Variants in SLC12A8 observed in about 807,000 individuals in gnomAD.
The protein encoded by SLC12A8 is solute carrier family 12 member 8.
In SLC12A8, 69 loss-of-function variants were observed where a neutral mutation model predicts 75.6. That is an observed-to-expected ratio of 0.91 (90% CI 0.75 to 1.11). The LOEUF (loss-of-function observed/expected upper bound fraction) is 1.11. Ranked by LOEUF, SLC12A8 falls within the 50% of genes most tolerant of loss-of-function variation. The probability of loss-of-function intolerance (pLI) is 0.00; values close to 1 mark genes in which losing one functional copy is unlikely to be tolerated. For missense variants in SLC12A8, 877 were observed against 896.7 expected (o/e 0.98, Z 0.28); for synonymous variants, 365 against 372.8 (o/e 0.98, Z 0.24).
intron 6 of SLC12A8, among the ~76,000 whole-genome samples, chr3:125,135,347 T>C (rs573042374): frequency 4.0e-4 from 61 of 152,332 alleles, no homozygotes; most frequent in African/African-American, 1.4e-3. Context: ...ATGTATCCTT[T>C]CTATGAACAA....
intron 5 of SLC12A8, among the ~76,000 whole-genome samples, chr3:125,149,262 T>C (rs1933862326): frequency 6.6e-6 from 1 of 152,228 alleles, no homozygotes; most frequent in Non-Finnish European, 1.5e-5. Flanking sequence ...CCACGGCCTC[T>C]TCAGCCCATG....
At chr3:125,183,803 G>A (rs1335434646) in intron 4 of SLC12A8, among the ~76,000 whole-genome samples, 1 of 151,984 alleles carries the variant, frequency 6.6e-6, no homozygotes, top group African/African-American at 2.4e-5. Context: ...CAGGTAAGTG[G>A]AGCAGGGAGT....
chr3:125,103,428 G>T (rs1430359683), intron 10 of SLC12A8, among the ~76,000 whole-genome samples: 1 of 135,776 alleles, frequency 7.4e-6, no homozygotes, highest in East Asian at 2.2e-4. Context: ...AATGTACAAA[G>T]CTCTTCTAAA....
rs1430195451 is a variant in SLC12A8 at position 125,159,366 on chromosome 3, G to A, written c.622+18377C>T. ...CCCCCTTGGTCTCCCAAAGTGCTGGGATTAGAGGCAAGAGCCACCGCACCC... is the reference window on the plus strand; with the variant it reads ...CCCCCTTGGTCTCCCAAAGTGCTGGAATTAGAGGCAAGAGCCACCGCACCC... On this transcript the variant is annotated intron_variant, in intron 5 of 13. Transcript: ENST00000469902. Among the ~76,000 whole-genome samples the A allele has an allele frequency of 2.0e-5, 3 of 152,136 alleles. No homozygotes were observed. The East Asian group carries it at 5.8e-4, about 29-fold the overall frequency.
chr3:125,168,190 A>T (rs988879214), intron 5 of SLC12A8, among the ~76,000 whole-genome samples: 4 of 152,216 alleles, frequency 2.6e-5, no homozygotes, highest in African/African-American at 9.6e-5. Flanking sequence ...GTTGTAAAGG[A>T]TAAAAGAGCT....
chr3:125,084,386 C>CT lies in SLC12A8; in HGVS notation c.1983-335_1983-334insA, dbSNP rs1226673697. On this transcript the variant is annotated intron_variant, in intron 13 of 13. Coordinates refer to ENST00000469902, the MANE Select transcript of SLC12A8 (RefSeq NM_024628.6). ...GTTGGGGCTCTGTAGCTTTTCTTTG[C>CT]CTTTTTTTTTGTCAAAAATAATGGA... is the stretch of plus-strand genomic sequence containing the variant. Among the ~76,000 whole-genome samples, 112 of 150,822 alleles carry CT rather than the reference C, an allele frequency of 7.4e-4. 1 individual carries two copies. The South Asian group carries it at 0.01, about 14-fold the overall frequency.
intron 4 of SLC12A8, among the ~76,000 whole-genome samples, chr3:125,180,627 G>A (rs1934637464): frequency 6.6e-6 from 1 of 152,108 alleles, no homozygotes. Flanking sequence ...GGAGACAGAG[G>A]TTGCAGTGAG....
intron 10 of SLC12A8, among the ~76,000 whole-genome samples, chr3:125,101,684 G>T (rs150979448): frequency 4.7e-4 from 71 of 152,132 alleles, no homozygotes; most frequent in Non-Finnish European, 8.2e-4. Context: ...GTGTATATAA[G>T]GTATAAAATA....
chr3:125,143,262 G>A (rs1933691953), intron 5 of SLC12A8, among the ~76,000 whole-genome samples: 1 of 152,242 alleles, frequency 6.6e-6, no homozygotes, highest in South Asian at 2.1e-4. Context: ...AACTATTGGT[G>A]TTCAATAAAA....
Position 125,091,394 on chromosome 3 carries a change from T to C in SLC12A8, c.1921+45A>G, listed in dbSNP as rs1282795535. 5 of 1,254,028 alleles carry C rather than the reference T, an allele frequency of 4.0e-6. No homozygotes were observed. In the East Asian group the frequency reaches 9.3e-5, roughly 23 times the overall value. 77.7% of individuals were successfully genotyped at this position (1,254,028 alleles called of 1,614,324 possible). On this transcript the variant is annotated intron_variant, in intron 12 of 13. Transcript: ENST00000469902. The stretch of plus-strand genomic sequence containing the variant: ...AAATCTTTTTTTTCCCAATGAATGG[T>C]AGAGAGAATGAGGGAACCAGTGGCA...
At chr3:125,105,900 G>A (rs1244760055) in intron 10 of SLC12A8, among the ~76,000 whole-genome samples, 1 of 152,048 alleles carries the variant, frequency 6.6e-6, no homozygotes, top group Non-Finnish European at 1.5e-5. Flanking sequence ...TGTGGTGGTG[G>A]GTCCCTGTAA....
chr3:125,153,628 GTATT>G (rs145148541), intron 5 of SLC12A8, among the ~76,000 whole-genome samples: 1 of 148,896 alleles, frequency 6.7e-6, no homozygotes, highest in Non-Finnish European at 1.5e-5. Flanking sequence ...TGAAATTTAT[GTATT>G]TATTTATTTA....
chr3:125,199,817 AT>A (rs145929649), intron 2 of SLC12A8, among the ~76,000 whole-genome samples: 5,314 of 152,270 alleles, frequency 0.035, 205 homozygotes, highest in African/African-American at 0.096. Context: ...CCAGAAAAAA[AT>A]GGTATAAACC....
chr3:125,087,545 A>G (rs1201191164), intron 13 of SLC12A8, among the ~76,000 whole-genome samples: 1 of 152,180 alleles, frequency 6.6e-6, no homozygotes, highest in African/African-American at 2.4e-5. Flanking sequence ...GAGTCTCAAA[A>G]ACAAACCAAC....
chr3:125,133,349 ACACACACACACACG>A (rs1023285524), intron 6 of SLC12A8, among the ~76,000 whole-genome samples: 1 of 148,488 alleles, frequency 6.7e-6, no homozygotes, highest in East Asian at 2.0e-4. Flanking sequence ...AGGAATACAC[ACACACACACACACG>A]CACACACACA....
chr3:125,128,386 T>C (rs920942481), intron 6 of SLC12A8, among the ~76,000 whole-genome samples: 4 of 146,022 alleles, frequency 2.7e-5, no homozygotes, highest in African/African-American at 1.0e-4. Context: ...TTCACCGTTT[T>C]AGCCGGGATG....
At chr3:125,182,739 C>T (rs1934692710) in intron 4 of SLC12A8, among the ~76,000 whole-genome samples, 1 of 152,166 alleles carries the variant, frequency 6.6e-6, no homozygotes, top group South Asian at 2.1e-4. Flanking sequence ...AACTCCTGAC[C>T]TCATGATCCA....
rs529416815 is a variant in SLC12A8, at chr3:125,135,028, G to A, written c.736+641C>T. Among the ~76,000 whole-genome samples the A allele has an allele frequency of 7.9e-5, 12 of 152,340 alleles. No homozygotes were observed. The East Asian group carries it at 1.9e-3, about 24-fold the overall frequency. On this transcript the variant is annotated intron_variant, in intron 6 of 13. Coordinates refer to ENST00000469902, the MANE Select transcript of SLC12A8 (RefSeq NM_024628.6). ...GTTAGCTTATTGCCTTCCAGGCCAG[G>A]GACCCAAGCATGGGGCAGGAGCCCT...
At chr3:125,190,652 A>G in intron 2 of SLC12A8, 131 bp from the exon 3 acceptor site, 1 of 1,035,190 alleles carries the variant, frequency 9.7e-7, no homozygotes, top group Non-Finnish European at 1.5e-6. Flanking sequence ...TGCCAGGGCA[A>G]GTGTGTGTGT....
Sources: gnomAD v4.1 joint callset for allele counts (sites outside exome capture counted in the v4.1 genomes callset) on GRCh38, gnomAD v4.1.1 for gene constraint, MANE v1.5 for transcripts, NCBI Gene and HGNC (gene_info 2026-07-23, HGNC 2026-07-21) for gene names.